The following LRRC61 variants were observed in gnomAD, a reference collection of about 807,000 sequenced individuals.
LRRC61 encodes the protein leucine-rich repeat-containing protein 61.
A neutral mutation model predicts 15.1 loss-of-function variants in LRRC61; 9 were observed. The observed-to-expected ratio is 0.60, with a 90% CI of 0.36 to 1.04. The LOEUF (loss-of-function observed/expected upper bound fraction) is 1.04, where lower values mean the gene tolerates loss of function less well. Ranked by LOEUF, LRRC61 falls within the 50% of genes least tolerant of loss-of-function variation. The pLI is 0.01. For synonymous variants in LRRC61, 173 were observed against 158.6 expected, an observed-to-expected ratio of 1.09 and a Z score of -0.68; for missense variants, 344 against 335.6, an observed-to-expected ratio of 1.03 and a Z score of -0.20.
At chr7:150,317,604 C>T in the LRRC61 span, among the ~76,000 whole-genome samples, 5 of 152,140 alleles carry the variant, frequency 3.3e-5, no homozygotes, top group South Asian at 4.2e-4. Context: ...ACCAGAACAA[C>T]GTTAAATGAT....
the LRRC61 span, among the ~76,000 whole-genome samples, chr7:150,309,651 C>T: frequency 2.0e-5 from 3 of 152,198 alleles, no homozygotes; most frequent in Non-Finnish European, 4.4e-5. Flanking sequence ...GGCCACTAGA[C>T]CAAGAAATGC....
In LRRC61 at chr7:150,334,300, G is replaced by A. The variant is rs555970034; in HGVS notation, c.-144-2418G>A. Among the ~76,000 whole-genome samples the A allele has an allele frequency of 1.4e-4, 22 of 152,238 alleles. No individual in the cohort carries two copies. The South Asian group carries it at 2.3e-3, about 16-fold the overall frequency. On this transcript the variant is annotated intron_variant, in intron 2 of 2. Transcript: ENST00000359623. Reference sequence around the variant, plus strand: ...TCATCTCGTCTGAGTCCAGTGGGGCGTCCTAGTAGTGTTGGTCTCACTCCT... The same window carrying A: ...TCATCTCGTCTGAGTCCAGTGGGGCATCCTAGTAGTGTTGGTCTCACTCCT...
the LRRC61 span, among the ~76,000 whole-genome samples, chr7:150,312,177 T>G: frequency 6.6e-6 from 1 of 152,236 alleles, no homozygotes; most frequent in Non-Finnish European, 1.5e-5. Context: ...CCAGTATTTT[T>G]CTTTCTCCTC....
At chr7:150,321,723 G>C (rs148057618), upstream of LRRC61, among the ~76,000 whole-genome samples, 760 of 152,292 alleles carry the variant, frequency 5.0e-3, 8 homozygotes, top group African/African-American at 0.017. Flanking sequence ...CTGGGCAAGA[G>C]AGTGAGACTC....
rs750768191 is a variant in LRRC61, at chr7:150,336,898, G to A, written c.37G>A (p.Gly13Arg). ...AGCGGAGAAGCCGGGAGAGGCTGGC[G>A]GACTGCAGATCACACCCCAGCTGCT... is the stretch of plus-strand genomic sequence containing the variant. ...PPAEKPGEAG[G>R]LQITPQLLKS... The change falls in exon 3 of 3, where the codon GGA becomes AGA. Residue 13 changes from glycine to arginine, a missense_variant. Physicochemically the swap from Gly to Arg is moderately radical, Grantham distance 125. Transcript: ENST00000359623. 30 of 1,610,186 alleles carry A rather than the reference G, an allele frequency of 1.9e-5. No individual in the cohort carries two copies. The highest frequency in any genetic ancestry group is 3.3e-5 in the South Asian group (3 of 90,636).
rs550928657 is a variant in LRRC61 at position 150,331,771 on chromosome 7, C to T, written c.-144-4947C>T. The T allele has an allele frequency of 2.4e-5, 4 of 167,234 alleles. No homozygotes were observed. In the East Asian group the frequency reaches 7.7e-4, roughly 32 times the overall value. 10.4% of individuals were successfully genotyped at this position (167,234 alleles called of 1,614,324 possible). A position where few individuals can be genotyped will look rare whatever the true frequency, so the allele number is the denominator to read the frequency against. ...CTGGCAGGTGGGATATGTCCTCAGC[C>T]TTTGGGGGCCTGGATAAGCTATTGC... On this transcript the variant is annotated intron_variant, in intron 2 of 2. Transcript: ENST00000359623.
chr7:150,326,282 G>A (rs1797961919), intron 2 of LRRC61, among the ~76,000 whole-genome samples: 1 of 152,238 alleles, frequency 6.6e-6, no homozygotes, highest in Non-Finnish European at 1.5e-5. Context: ...AAATGATTGA[G>A]TGAATCAAGA....
chr7:150,328,131 G>A (rs1798002332), intron 2 of LRRC61, among the ~76,000 whole-genome samples: 1 of 152,182 alleles, frequency 6.6e-6, no homozygotes, highest in Non-Finnish European at 1.5e-5. Flanking sequence ...ATATGCGTGT[G>A]TGGGTATGTA....
the LRRC61 span, among the ~76,000 whole-genome samples, chr7:150,310,846 C>T: frequency 6.6e-6 from 1 of 152,202 alleles, no homozygotes; most frequent in Non-Finnish European, 1.5e-5. Flanking sequence ...ATCTTCCCAG[C>T]AGAACACTAT....
rs772706737 is a variant in LRRC61 at position 150,330,938 on chromosome 7, T to C, written c.-145+4928T>C. On this transcript the variant is annotated intron_variant, in intron 2 of 2. Coordinates refer to ENST00000359623, the MANE Select transcript of LRRC61 (RefSeq NM_001142928.2). This position sits in a 1 kb window ranked among gnomAD's most constrained non-coding sequence, Gnocchi z 4.6. ...TGGAGAGCATGGGGCTGCTGGCCTC[T>C]GAGAGAAGCGGGGGCTCGCTGTCCA... 14 of 1,612,510 alleles carry C rather than the reference T, an allele frequency of 8.7e-6. No homozygotes were observed. In the African/African-American group the frequency reaches 1.5e-4, roughly 17 times the overall value.
rs1798177143 is a variant in LRRC61 at position 150,333,423 on chromosome 7, C to T, written c.-144-3295C>T. ...CAATGTGCAGGACGGCCTCCACAACCAAGGCTCAGCCTGCCCAGATGGCAG... is the reference window on the plus strand; with the variant it reads ...CAATGTGCAGGACGGCCTCCACAACTAAGGCTCAGCCTGCCCAGATGGCAG... On this transcript the variant is annotated intron_variant, in intron 2 of 2. Transcript: ENST00000359623. This position sits in a 1 kb window ranked among gnomAD's most constrained non-coding sequence, Gnocchi z 4.3. 6.6e-6 allele frequency among the ~76,000 whole-genome samples: 1 copy of T among 152,222 alleles called. No homozygotes were observed. The highest frequency in any genetic ancestry group is 2.4e-5 in the African/African-American group (1 of 41,464).
the LRRC61 span, among the ~76,000 whole-genome samples, chr7:150,313,823 G>A: frequency 0.022 from 3,293 of 152,306 alleles, 117 homozygotes; most frequent in African/African-American, 0.075. Context: ...GGCTCACTGA[G>A]CCTTCTTGGC....
chr7:150,330,535 C>T lies in LRRC61; in HGVS notation c.-145+4525C>T, dbSNP rs745653603. 3.9e-6 allele frequency: 3 copies of T among 777,242 alleles called. No homozygotes were observed. Among genetic ancestry groups the T allele is most frequent in the African/African-American group, 3.4e-5 (2 of 59,122 alleles). The allele number at this position is 777,242 out of a possible 1,614,324, so 48.1% of individuals were successfully genotyped here. ...GAGCAGAGTGTCGGGGAGAGGGGCG[C>T]AGCCATCCAGCTGGCTGAGGGGTTG... On this transcript the variant is annotated intron_variant, in intron 2 of 2. Transcript: ENST00000359623. The surrounding 1 kb of genome is among the most constrained non-coding windows in gnomAD (Gnocchi z 4.6).
intron 1 of LRRC61, 143 bp from the exon 2 acceptor site, chr7:150,325,696 CCT>C (rs762582492): frequency 5.3e-5 from 8 of 152,214 alleles, no homozygotes; most frequent in African/African-American, 1.2e-4. Context: ...GTCTCAACCC[CCT>C]GAGTTCAAAG....
the LRRC61 span, among the ~76,000 whole-genome samples, chr7:150,316,620 G>A: frequency 6.6e-6 from 1 of 151,722 alleles, no homozygotes; most frequent in African/African-American, 2.4e-5. Flanking sequence ...TGAGCAGCTG[G>A]GACTACAGAT....
chr7:150,328,496 G>A (rs1240792353), intron 2 of LRRC61: 1 of 152,216 alleles, frequency 6.6e-6, no homozygotes, highest in Non-Finnish European at 1.5e-5. Context: ...AACTAGAGGG[G>A]GCAGCGTCAG....
At chr7:150,314,262 T>C in the LRRC61 span, among the ~76,000 whole-genome samples, 1 of 152,224 alleles carries the variant, frequency 6.6e-6, no homozygotes, top group South Asian at 2.1e-4. Context: ...GTCAGCCTTG[T>C]TCCTGGATTT....
the LRRC61 span, among the ~76,000 whole-genome samples, chr7:150,316,146 G>A: frequency 2.0e-5 from 3 of 152,282 alleles, no homozygotes; most frequent in East Asian, 1.9e-4. Context: ...GCAGTGAGCC[G>A]AGATCACGCC....
In LRRC61 at chr7:150,337,755, G is replaced by C; in HGVS notation, c.*114G>C. On this transcript the variant is annotated 3_prime_UTR_variant, in exon 3 of 3. Transcript: ENST00000359623. ...CACTGGTCACTGGCCCTGCACACTG[G>C]GCTATTGCTTTATCCCTATCCTGAG... 8.9e-7 allele frequency: 1 copy of C among 1,125,706 alleles called. No homozygotes were observed. Among genetic ancestry groups the C allele is most frequent in the South Asian group, 1.7e-5 (1 of 60,318 alleles). The allele number at this position is 1,125,706 out of a possible 1,614,324, so 69.7% of individuals were successfully genotyped here. A position where few individuals can be genotyped will look rare whatever the true frequency, so the allele number is the denominator to read the frequency against.
Sources: allele counts gnomAD v4.1 joint callset (sites outside exome capture counted in the v4.1 genomes callset), GRCh38; gene constraint gnomAD v4.1.1; non-coding constraint Gnocchi (gnomAD v3.1); transcripts MANE v1.5; gene names NCBI Gene and HGNC (gene_info 2026-07-23, HGNC 2026-07-21).